ARL15: variants seen among roughly 807,000 people sequenced by gnomAD.
ARL15 encodes the protein ADP-ribosylation factor-like protein 15.
In ARL15, 19 loss-of-function variants were observed where a neutral mutation model predicts 25.2. The ratio of observed to expected loss-of-function variants is 0.75; its 90% confidence interval spans 0.53 to 1.10. ARL15 has a LOEUF of 1.10. Ranked by LOEUF, ARL15 falls within the 50% of genes least tolerant of loss-of-function variation. The pLI is 0.00. For missense variants in ARL15, 220 were observed against 246.0 expected, an observed-to-expected ratio of 0.89 and a Z score of 0.71; for synonymous variants, 94 against 86.8, an observed-to-expected ratio of 1.08 and a Z score of -0.46.
At chr5:54,123,467 G>T (rs778809455) in intron 3 of ARL15, among the ~76,000 whole-genome samples, 1 of 152,128 alleles carries the variant, frequency 6.6e-6, no homozygotes. Flanking sequence ...TTCTAAAGCG[G>T]TACAGTCCCT....
chr5:53,951,646 T>C (rs1185410864), intron 4 of ARL15: 5 of 414,412 alleles, frequency 1.2e-5, no homozygotes, highest in Non-Finnish European at 1.4e-5. Flanking sequence ...TCCTTCCCTA[T>C]ATATTTTCGA....
At chr5:54,122,288 G>T (rs979011744) in intron 3 of ARL15, among the ~76,000 whole-genome samples, 24 of 152,132 alleles carry the variant, frequency 1.6e-4, no homozygotes, top group African/African-American at 5.8e-4. Flanking sequence ...AGACAAAAAC[G>T]CATGTTCTTT....
At chr5:53,947,170 GTGTGTGTGTGT>G (rs751707242) in intron 4 of ARL15, among the ~76,000 whole-genome samples, 743 of 45,422 alleles carry the variant, frequency 0.016, 8 homozygotes, top group Admixed American at 0.073. Flanking sequence ...AAATAAGGGT[GTGTGTGTGTGT>G]GTGTGTGTGT....
At chr5:54,226,973 T>C (rs1336915625) in intron 1 of ARL15, among the ~76,000 whole-genome samples, 1 of 152,176 alleles carries the variant, frequency 6.6e-6, no homozygotes, top group Non-Finnish European at 1.5e-5. Flanking sequence ...CTTTCACTTG[T>C]CTCTCAATTC....
chr5:53,918,455 G>C (rs1745729035), intron 4 of ARL15, among the ~76,000 whole-genome samples: 1 of 152,162 alleles, frequency 6.6e-6, no homozygotes, highest in Non-Finnish European at 1.5e-5. Context: ...GCCTCCCAAA[G>C]TGCTGGGATT....
chr5:54,199,281 G>A (rs1440724949), intron 1 of ARL15, among the ~76,000 whole-genome samples: 1 of 152,068 alleles, frequency 6.6e-6, no homozygotes, highest in Non-Finnish European at 1.5e-5. Context: ...GGCAACAAAA[G>A]CCAGAATTGA....
intron 4 of ARL15, 117 bp from the exon 5 acceptor site, chr5:53,886,830 T>A: frequency 1.1e-6 from 1 of 943,396 alleles, no homozygotes; most frequent in South Asian, 1.6e-5. Flanking sequence ...CGAACTGTGA[T>A]GCCTACAACT....
At chr5:54,179,748 T>C (rs1379726782) in intron 1 of ARL15, among the ~76,000 whole-genome samples, 1 of 152,060 alleles carries the variant, frequency 6.6e-6, no homozygotes, top group Non-Finnish European at 1.5e-5. Flanking sequence ...CCAGGTGCAG[T>C]GACTCACACC....
intron 4 of ARL15, among the ~76,000 whole-genome samples, chr5:54,070,112 C>T (rs1238852192): frequency 6.6e-6 from 1 of 151,390 alleles, no homozygotes; most frequent in Non-Finnish European, 1.5e-5. Flanking sequence ...TGGTTTGGGC[C>T]AGGTGCGGTG....
At chr5:54,229,594 GCTC>G (rs1356347549) in intron 1 of ARL15, among the ~76,000 whole-genome samples, 1 of 152,090 alleles carries the variant, frequency 6.6e-6, no homozygotes, top group East Asian at 1.9e-4. Context: ...ACTAACCCAG[GCTC>G]CTCCTGCCAA....
In ARL15 at chr5:53,903,010, C is replaced by T. The variant is rs185745834; in HGVS notation, c.463-16297G>A. On this transcript the variant is annotated intron_variant, in intron 4 of 4. Coordinates refer to ENST00000504924, the MANE Select transcript of ARL15 (RefSeq NM_019087.3). ...TTTCTTTCCCTGCTGGCAATACAGTCAGGAGCCTAATATCCTGGCAACTGA... is the reference window on the plus strand; with the variant it reads ...TTTCTTTCCCTGCTGGCAATACAGTTAGGAGCCTAATATCCTGGCAACTGA... 3.5e-3 allele frequency among the ~76,000 whole-genome samples: 534 copies of T among 152,242 alleles called. 2 individuals carry two copies. The highest frequency in any genetic ancestry group is 4.0e-3 in the Non-Finnish European group (272 of 68,016).
intron 4 of ARL15, among the ~76,000 whole-genome samples, chr5:54,037,154 A>G (rs1169804574): frequency 2.0e-5 from 3 of 151,922 alleles, no homozygotes; most frequent in Non-Finnish European, 4.4e-5. Context: ...AATCCCCACA[A>G]TATCTAAAAC....
intron 2 of ARL15, among the ~76,000 whole-genome samples, chr5:54,163,378 T>G (rs1470651895): frequency 3.5e-4 from 40 of 113,888 alleles, no homozygotes; most frequent in South Asian, 9.4e-4. Context: ...TTTTTTTTTT[T>G]TTTTTTTTTT....
intron 1 of ARL15, among the ~76,000 whole-genome samples, chr5:54,306,391 C>CTTTTTTTTTTTT (rs11338403): frequency 2.2e-5 from 3 of 134,516 alleles, no homozygotes; most frequent in African/African-American, 2.8e-5. Context: ...AATACGTTAA[C>CTTTTTTTTTTTT]TTTTTTTTTT....
At chr5:54,082,153 T>C (rs1489711279) in intron 4 of ARL15, among the ~76,000 whole-genome samples, 2 of 151,482 alleles carry the variant, frequency 1.3e-5, no homozygotes, top group African/African-American at 4.9e-5. Flanking sequence ...GTCTCAGTTC[T>C]CTGGGGCTTC....
In ARL15 at chr5:54,244,652, G is replaced by T. The variant is rs530325373; in HGVS notation, c.48+65780C>A. On this transcript the variant is annotated intron_variant, in intron 1 of 4. Coordinates refer to ENST00000504924, the MANE Select transcript of ARL15 (RefSeq NM_019087.3). The stretch of plus-strand genomic sequence containing the variant: ...GGCTTTCAAATCAGAAATGCAATTT[G>T]ATAGAAAGGCCATTCTACCAGGCTC... Among the ~76,000 whole-genome samples the T allele has an allele frequency of 3.9e-5, 6 of 152,254 alleles. No homozygotes were observed. In the South Asian group the frequency reaches 1.2e-3, roughly 32 times the overall value.
At chr5:53,941,244 G>A (rs796355444) in intron 4 of ARL15, among the ~76,000 whole-genome samples, 5 of 151,854 alleles carry the variant, frequency 3.3e-5, no homozygotes, top group African/African-American at 1.2e-4. Flanking sequence ...ATTAAACCAT[G>A]GCCAAATTCA....
chr5:54,296,154 C>A (rs1237898629), intron 1 of ARL15, among the ~76,000 whole-genome samples: 2 of 152,164 alleles, frequency 1.3e-5, no homozygotes, highest in Admixed American at 1.3e-4. Flanking sequence ...GTGTCTTTAA[C>A]CCAGTTACCC....
intron 4 of ARL15, among the ~76,000 whole-genome samples, chr5:54,099,521 T>C (rs1419257730): frequency 1.3e-5 from 2 of 152,172 alleles, no homozygotes; most frequent in Non-Finnish European, 2.9e-5. Flanking sequence ...TTTTCTTTTT[T>C]ACATTTGGAA....
Sources: gnomAD v4.1 joint callset for allele counts (sites outside exome capture counted in the v4.1 genomes callset) on GRCh38, gnomAD v4.1.1 for gene constraint, MANE v1.5 for transcripts, NCBI Gene and HGNC (gene_info 2026-07-23, HGNC 2026-07-21) for gene names.